The following PLPP4 variants were observed in gnomAD, a reference collection of about 807,000 sequenced individuals.
PLPP4 encodes diacylglycerol pyrophosphate like 2.
Under a neutral mutation model 32.2 loss-of-function variants are expected in PLPP4, and 20 were observed. The observed-to-expected ratio is 0.62, with a 90% CI of 0.44 to 0.90. PLPP4 has a LOEUF of 0.90. PLPP4 is among the 40% of genes least tolerant of loss of function. The pLI is 0.00. For synonymous variants in PLPP4, 127 were observed against 133.0 expected (o/e 0.95, Z 0.31); for missense variants, 257 against 353.1 (o/e 0.73, Z 2.18).
chr10:120,534,946 C>T lies in PLPP4; in HGVS notation c.445+13851C>T, dbSNP rs374968298. Among the ~76,000 whole-genome samples the T allele has an allele frequency of 3.1e-4, 47 of 152,224 alleles. No individual in the cohort carries two copies. The South Asian group carries it at 8.5e-3, about 28-fold the overall frequency. ...CTTTGTTAAATCTGGCATCTGGTGG[C>T]CCTCACAGGCAGTTTCTGTTGCCTC... On this transcript the variant is annotated intron_variant, in intron 5 of 6. Transcript: ENST00000398250.
chr10:120,465,368 G>A (rs1390608941), intron 1 of PLPP4, among the ~76,000 whole-genome samples: 1 of 152,160 alleles, frequency 6.6e-6, no homozygotes, highest in Non-Finnish European at 1.5e-5. Flanking sequence ...GAGAGGACCT[G>A]GGGCTGCAGA....
intron 1 of PLPP4, among the ~76,000 whole-genome samples, chr10:120,469,985 T>A (rs1178764603): frequency 6.6e-6 from 1 of 152,202 alleles, no homozygotes; most frequent in East Asian, 1.9e-4. Context: ...CATGATAAAC[T>A]CTTACAAATG....
At chr10:120,495,777 TG>T (rs1844934749) in intron 1 of PLPP4, among the ~76,000 whole-genome samples, 1 of 152,128 alleles carries the variant, frequency 6.6e-6, no homozygotes, top group Non-Finnish European at 1.5e-5. Context: ...TACCCTCGGG[TG>T]GGGCTTAAAG....
intron 2 of PLPP4, among the ~76,000 whole-genome samples, chr10:120,505,906 T>C (rs1167735783): frequency 6.6e-6 from 1 of 152,240 alleles, no homozygotes; most frequent in Non-Finnish European, 1.5e-5. Context: ...TTCATAACAT[T>C]TTACATTTCA....
chr10:120,535,327 CAT>C (rs1007097315), intron 5 of PLPP4, among the ~76,000 whole-genome samples: 3 of 151,924 alleles, frequency 2.0e-5, no homozygotes, highest in South Asian at 2.1e-4. Flanking sequence ...GAATAGAAAA[CAT>C]ATGAAATTTT....
intron 5 of PLPP4, among the ~76,000 whole-genome samples, chr10:120,557,256 T>C (rs1213179932): frequency 6.6e-6 from 1 of 152,170 alleles, no homozygotes; most frequent in African/African-American, 2.4e-5. Flanking sequence ...GCTTGAAATA[T>C]GTTTTGGTGT....
chr10:120,538,085 T>TGTGTGTGTGTGTGTGTG (rs71019774), intron 5 of PLPP4, among the ~76,000 whole-genome samples: 1 of 127,608 alleles, frequency 7.8e-6, no homozygotes, highest in Non-Finnish European at 1.7e-5. Flanking sequence ...TGTGTGTGTG[T>TGTGTGTGTGTGTGTGTG]TTTCAGATTC....
chr10:120,469,019 T>C lies in PLPP4; in HGVS notation c.56+11658T>C, dbSNP rs572105456. On this transcript the variant is annotated intron_variant, in intron 1 of 6. Transcript: ENST00000398250. ...ACAAAGATTTTTTTGCTGTGTTCCA[T>C]ACAAAACAAAGTAAATATATTTGTC... Among the ~76,000 whole-genome samples, 2 of 64,534 alleles carry C rather than the reference T, an allele frequency of 3.1e-5. 1 individual carries two copies. The highest frequency in any genetic ancestry group is 9.0e-5 in the Non-Finnish European group (2 of 22,310). The allele number at this position is 64,534 out of a possible 152,430, so 42.3% of individuals were successfully genotyped here. A position where few individuals can be genotyped will look rare whatever the true frequency, so the allele number is the denominator to read the frequency against.
At chr10:120,584,024 C>T (rs1430232168) in intron 6 of PLPP4, among the ~76,000 whole-genome samples, 1 of 152,190 alleles carries the variant, frequency 6.6e-6, no homozygotes, top group Non-Finnish European at 1.5e-5. Flanking sequence ...GATGACTGGT[C>T]AATTTGTGTC....
At chr10:120,546,044 C>G (rs1407658183) in intron 5 of PLPP4, among the ~76,000 whole-genome samples, 1 of 152,134 alleles carries the variant, frequency 6.6e-6, no homozygotes, top group Non-Finnish European at 1.5e-5. Context: ...TGGACTTAAC[C>G]AATGGTTTGC....
At chr10:120,565,646 G>T (rs1848660483) in intron 5 of PLPP4, among the ~76,000 whole-genome samples, 1 of 152,156 alleles carries the variant, frequency 6.6e-6, no homozygotes, top group South Asian at 2.1e-4. Flanking sequence ...GTGTCTAGGT[G>T]TGGAGTTCCT....
At chr10:120,474,067 C>A (rs1843788948) in intron 1 of PLPP4, among the ~76,000 whole-genome samples, 1 of 151,922 alleles carries the variant, frequency 6.6e-6, no homozygotes, top group Admixed American at 6.6e-5. Flanking sequence ...TTCTCTTCTG[C>A]TTTGCTGATT....
At chr10:120,579,693 T>C (rs1045361518) in intron 6 of PLPP4, among the ~76,000 whole-genome samples, 1 of 152,122 alleles carries the variant, frequency 6.6e-6, no homozygotes, top group Non-Finnish European at 1.5e-5. Flanking sequence ...TCCTTCCTTT[T>C]GTTACTGATA....
intron 1 of PLPP4, among the ~76,000 whole-genome samples, chr10:120,489,434 T>C (rs1427860782): frequency 6.6e-6 from 1 of 152,200 alleles, no homozygotes; most frequent in Non-Finnish European, 1.5e-5. Flanking sequence ...AAATACCCGC[T>C]ACTCCCCAGA....
Position 120,561,929 on chromosome 10 carries a change from G to T in PLPP4, c.446-13202G>T, listed in dbSNP as rs182544523. ...AGGATTCTACCACATCTCTCCCATT[G>T]CTTTTCTTCGGAAGTGTCTTAGCTA... On this transcript the variant is annotated intron_variant, in intron 5 of 6. Coordinates refer to ENST00000398250, the MANE Select transcript of PLPP4 (RefSeq NM_001030059.3). Among the ~76,000 whole-genome samples the T allele has an allele frequency of 1.1e-3, 171 of 152,266 alleles. 1 individual carries two copies. The highest frequency in any genetic ancestry group is 3.7e-3 in the African/African-American group (152 of 41,548).
chr10:120,493,662 C>A (rs532537416), intron 1 of PLPP4, among the ~76,000 whole-genome samples: 21 of 152,194 alleles, frequency 1.4e-4, no homozygotes, highest in Non-Finnish European at 2.5e-4. Context: ...AATCCCCCCC[C>A]ATCCTACCCC....
intron 5 of PLPP4, among the ~76,000 whole-genome samples, chr10:120,540,901 A>G (rs1045453890): frequency 2.0e-5 from 3 of 152,218 alleles, no homozygotes; most frequent in Admixed American, 6.5e-5. Flanking sequence ...ATCATGGCAC[A>G]TGTGCAGGAG....
In PLPP4 at chr10:120,514,013, A is replaced by T. The variant is rs765621944; in HGVS notation, c.256+12A>T. On this transcript the variant is annotated intron_variant, in intron 3 of 6. Coordinates refer to ENST00000398250, the MANE Select transcript of PLPP4 (RefSeq NM_001030059.3). ...GGAAGCCTTCTTAGGTAGAGTATTC[A>T]CAGTTCCTGCTTTAGGGAATGGGGC... 1 of 1,588,994 alleles carries T rather than the reference A, an allele frequency of 6.3e-7. No homozygotes were observed. The highest frequency in any genetic ancestry group is 8.6e-7 in the Non-Finnish European group (1 of 1,157,228).
intron 1 of PLPP4, among the ~76,000 whole-genome samples, chr10:120,497,373 T>G (rs1204955372): frequency 6.6e-6 from 1 of 152,136 alleles, no homozygotes; most frequent in African/African-American, 2.4e-5. Flanking sequence ...TCTTAAATAA[T>G]TACATCCTTT....
Sources: gnomAD v4.1 joint callset for allele counts (sites outside exome capture counted in the v4.1 genomes callset) on GRCh38, gnomAD v4.1.1 for gene constraint, MANE v1.5 for transcripts, NCBI Gene and HGNC (gene_info 2026-07-23, HGNC 2026-07-21) for gene names.